Variants in CHN2 observed in about 807,000 individuals in gnomAD.
The protein encoded by CHN2 is beta-chimaerin.
In CHN2, 35 loss-of-function variants were observed where a neutral mutation model predicts 56.3. That is an observed-to-expected ratio of 0.62 (90% CI 0.47 to 0.82). The LOEUF (loss-of-function observed/expected upper bound fraction) is 0.82. Among genes scored for constraint, CHN2 ranks in the 40% least tolerant of loss-of-function variants. The pLI is 0.00. For synonymous variants in CHN2, 210 were observed against 212.8 expected, an observed-to-expected ratio of 0.99 and a Z score of 0.12; for missense variants, 491 against 580.5, an observed-to-expected ratio of 0.85 and a Z score of 1.58.
intron 1 of CHN2, among the ~76,000 whole-genome samples, chr7:29,237,804 A>G (rs1254130468): frequency 1.3e-5 from 2 of 152,162 alleles, no homozygotes; most frequent in Admixed American, 6.5e-5. Context: ...GAGGGGTTGA[A>G]TAATGCTTGC....
intron 6 of CHN2, among the ~76,000 whole-genome samples, chr7:29,419,603 A>C (rs1804129114): frequency 1.3e-5 from 2 of 152,214 alleles, no homozygotes; most frequent in African/African-American, 4.8e-5. Flanking sequence ...TTTAATATCC[A>C]TAATGTATTT....
chr7:29,279,623 G>A (rs1179528240), intron 1 of CHN2, among the ~76,000 whole-genome samples: 1 of 152,190 alleles, frequency 6.6e-6, no homozygotes, highest in Non-Finnish European at 1.5e-5. Flanking sequence ...GAGGTGTCAG[G>A]GAACTCAGGG....
At chr7:29,163,037 T>C (rs1795398643) in intron 2 of CHN2, among the ~76,000 whole-genome samples, 1 of 152,248 alleles carries the variant, frequency 6.6e-6, no homozygotes, top group Non-Finnish European at 1.5e-5. Flanking sequence ...GTTTTGATAA[T>C]GAACTATAGT....
chr7:29,149,381 A>C (rs117067567), intron 2 of CHN2, among the ~76,000 whole-genome samples: 6,641 of 151,902 alleles, frequency 0.044, 214 homozygotes, highest in South Asian at 0.093. Context: ...TGTAGTAGAC[A>C]CGGGGTTTCA....
At chr7:29,338,135 A>G (rs1272004269) in intron 1 of CHN2, among the ~76,000 whole-genome samples, 4 of 152,174 alleles carry the variant, frequency 2.6e-5, no homozygotes, top group Non-Finnish European at 5.9e-5. Context: ...TTGTGACATA[A>G]ATGAGTTTGA....
At chr7:29,388,831 A>T (rs1378683429) in intron 3 of CHN2, among the ~76,000 whole-genome samples, 2 of 152,242 alleles carry the variant, frequency 1.3e-5, no homozygotes, top group Non-Finnish European at 2.9e-5. Flanking sequence ...GGCCTCATAT[A>T]TATAGGAGCA....
At chr7:29,348,054 CT>C (rs2128919973) in intron 1 of CHN2, among the ~76,000 whole-genome samples, 1 of 151,556 alleles carries the variant, frequency 6.6e-6, no homozygotes, top group South Asian at 2.1e-4. Flanking sequence ...AATTATTGGA[CT>C]TTTTCTGTTT....
At chr7:29,353,542 T>C (rs1320642112) in intron 1 of CHN2, among the ~76,000 whole-genome samples, 1 of 152,112 alleles carries the variant, frequency 6.6e-6, no homozygotes, top group African/African-American at 2.4e-5. Flanking sequence ...GTAATCCAGC[T>C]ACTCAGGAGA....
intron 1 of CHN2, among the ~76,000 whole-genome samples, chr7:29,333,342 G>T (rs996996017): frequency 3.9e-5 from 6 of 152,134 alleles, no homozygotes; most frequent in Non-Finnish European, 5.9e-5. Flanking sequence ...TCATGCCGGG[G>T]CTGCTGTTGA....
chr7:29,418,711 G>A (rs1056337634), intron 6 of CHN2, among the ~76,000 whole-genome samples: 5 of 152,220 alleles, frequency 3.3e-5, no homozygotes, highest in Admixed American at 6.5e-5. Flanking sequence ...ATTGGTGGGA[G>A]GTGGAAAGAC....
chr7:29,462,412 C>T (rs1281362553), intron 6 of CHN2, among the ~76,000 whole-genome samples: 1 of 152,192 alleles, frequency 6.6e-6, no homozygotes, highest in African/African-American at 2.4e-5. Flanking sequence ...GCAGGGATGG[C>T]TTGCTTCTGC....
chr7:29,387,458 T>C (rs1242694869), intron 3 of CHN2, among the ~76,000 whole-genome samples: 2 of 152,340 alleles, frequency 1.3e-5, no homozygotes, highest in Admixed American at 1.3e-4. Context: ...TATTTGAATA[T>C]TTGCTATTGG....
At chr7:29,225,982 A>G (rs1366089269) in intron 1 of CHN2, among the ~76,000 whole-genome samples, 1 of 152,210 alleles carries the variant, frequency 6.6e-6, no homozygotes, top group African/African-American at 2.4e-5. Context: ...ACTAACACAG[A>G]AAGATTACTT....
At chr7:29,438,189 G>A (rs1037736505) in intron 6 of CHN2, among the ~76,000 whole-genome samples, 2 of 152,196 alleles carry the variant, frequency 1.3e-5, no homozygotes, top group Non-Finnish European at 2.9e-5. Flanking sequence ...GTTCCCAAGG[G>A]GGCATACCCC....
chr7:29,324,136 G>A (rs1190779315), intron 1 of CHN2, among the ~76,000 whole-genome samples: 1 of 152,170 alleles, frequency 6.6e-6, no homozygotes, highest in African/African-American at 2.4e-5. Flanking sequence ...CATTGGAGCC[G>A]TAAGTGTCAA....
intron 1 of CHN2, among the ~76,000 whole-genome samples, chr7:29,319,087 G>A (rs921089819): frequency 3.9e-5 from 6 of 152,138 alleles, no homozygotes; most frequent in African/African-American, 9.7e-5. Flanking sequence ...AGGGAGAAAC[G>A]GGATGCTTCT....
At chr7:29,297,751 G>A (rs1417612581) in intron 1 of CHN2, among the ~76,000 whole-genome samples, 1 of 152,160 alleles carries the variant, frequency 6.6e-6, no homozygotes, top group South Asian at 2.1e-4. Flanking sequence ...TAAGGCTTGG[G>A]AAATTAACCT....
chr7:29,356,041 C>G (rs1278734142), intron 2 of CHN2, among the ~76,000 whole-genome samples: 2 of 151,958 alleles, frequency 1.3e-5, no homozygotes, highest in African/African-American at 2.4e-5. Flanking sequence ...CCTCGGCCTC[C>G]GAAATTGCTG....
chr7:29,351,529 A>G (rs10263334), intron 1 of CHN2, among the ~76,000 whole-genome samples: 50,813 of 151,966 alleles, frequency 0.33, 8,617 homozygotes, highest in African/African-American at 0.36. Context: ...AGTGACTGGC[A>G]TAGGGGGAAG....
Sources: gnomAD v4.1 joint callset for allele counts (sites outside exome capture counted in the v4.1 genomes callset) on GRCh38, gnomAD v4.1.1 for gene constraint, MANE v1.5 for transcripts, NCBI Gene and HGNC (gene_info 2026-07-23, HGNC 2026-07-21) for gene names.